GOLGA3: variants seen among roughly 807,000 people sequenced by gnomAD.
GOLGA3 encodes the protein golgin subfamily A member 3.
Under a neutral mutation model 169.4 loss-of-function variants are expected in GOLGA3, and 75 were observed. The ratio of observed to expected loss-of-function variants is 0.44; its 90% CI spans 0.37 to 0.54. GOLGA3 has a LOEUF of 0.54. GOLGA3 is among the 20% of genes least tolerant of loss of function. The pLI, the probability that GOLGA3 is intolerant of heterozygous loss-of-function variation, is 0.00. For missense variants in GOLGA3, 1,899 were observed against 1,930.0 expected (o/e 0.98, Z 0.30); for synonymous variants, 824 against 822.4 (o/e 1.00, Z -0.03).
intron 4 of GOLGA3, among the ~76,000 whole-genome samples, chr12:132,809,262 A>C (rs1266932451): frequency 6.6e-6 from 1 of 152,242 alleles, no homozygotes; most frequent in Non-Finnish European, 1.5e-5. Context: ...TACAGGATGG[A>C]ACATGAAGGC....
intron 7 of GOLGA3, among the ~76,000 whole-genome samples, chr12:132,803,363 T>C (rs1295282935): frequency 6.6e-6 from 1 of 152,208 alleles, no homozygotes; most frequent in Non-Finnish European, 1.5e-5. Flanking sequence ...AAAATGGTCA[T>C]GGACGCCGAG....
chr12:132,821,962 T>A, intron 2 of GOLGA3, 34 bp downstream of exon 2: 1 of 1,477,110 alleles, frequency 6.8e-7, no homozygotes, highest in Non-Finnish European at 9.2e-7. Flanking sequence ...CAGGTCCTCC[T>A]GTGACCAGCA....
intron 23 of GOLGA3, 73 bp from the exon 24 acceptor site, chr12:132,773,367 G>T (rs1177652472): frequency 9.3e-6 from 9 of 970,116 alleles, no homozygotes; most frequent in Non-Finnish European, 1.3e-5. Flanking sequence ...TGTGGACAGC[G>T]TCACTCGCTA....
chr12:132,806,351 G>GT (rs1288434973), intron 6 of GOLGA3, among the ~76,000 whole-genome samples: 1 of 152,250 alleles, frequency 6.6e-6, no homozygotes, highest in Non-Finnish European at 1.5e-5. Context: ...GGCTCACGCT[G>GT]TAACACTGGA....
In GOLGA3 at chr12:132,824,854, C is replaced by T. The variant is rs989607109; in HGVS notation, c.-183-2543G>A. Among the ~76,000 whole-genome samples, 59 of 152,168 alleles carry T rather than the reference C, an allele frequency of 3.9e-4. 2 individuals are homozygous for T. Among genetic ancestry groups the T allele is most frequent in the Admixed American group, 3.9e-4 (6 of 15,278 alleles). The stretch of plus-strand genomic sequence containing the variant: ...GAAAAACACTGCGATCTCCACCAAG[C>T]CTGCCCCTCAGCTACAATCCCAGAC... On this transcript the variant is annotated intron_variant, in intron 1 of 23. Coordinates refer to ENST00000450791, the MANE Select transcript of GOLGA3 (RefSeq NM_001389683.1).
intron 13 of GOLGA3, among the ~76,000 whole-genome samples, chr12:132,787,238 C>G (rs991671455): frequency 1.8e-4 from 28 of 152,096 alleles, no homozygotes; most frequent in African/African-American, 6.8e-4. Flanking sequence ...AGGTGTGAGC[C>G]ACTGCACCCG....
Position 132,808,173 on chromosome 12 carries a change from T to A in GOLGA3, c.896A>T (p.Asn299Ile), listed in dbSNP as rs1481322201. The A allele has an allele frequency of 6.2e-7, 1 of 1,612,926 alleles. No homozygotes were observed. Among genetic ancestry groups the A allele is most frequent in the East Asian group, 2.2e-5 (1 of 44,814 alleles). Residue 299 changes from asparagine to isoleucine, a missense_variant, in exon 5 of 24, where the codon AAC (asparagine) becomes ATC (isoleucine). By Grantham distance (149) the Asn-to-Ile change is moderately radical (BLOSUM62 -3). Coordinates refer to ENST00000450791, the MANE Select transcript of GOLGA3 (RefSeq NM_001389683.1). ...CACGCTGTCTCCAGCCAGGGAGGTG[T>A]TCTCCAGACGGTCGTCAGTGTCGGG... Reference protein sequence around the residue: ...LSPDTDDRLENTSLAGDSVSE... With the variant: ...LSPDTDDRLEITSLAGDSVSE...
chr12:132,774,272 T>C lies in GOLGA3; in HGVS notation c.4192A>G (p.Ile1398Val). ...EASSSNPATP[I>V]KIPDCPVPAS... ...GGAACTGGGCAGTCCGGGATCTTGA[T>C]GGGCGTGGCAGGGTTGGAAGAGCTG... is the stretch of plus-strand genomic sequence containing the variant. Residue 1398 changes from isoleucine (I) to valine (V), a missense_variant, in exon 23 of 24, where the codon ATC (isoleucine) becomes GTC (valine). By Grantham distance (29) the Ile-to-Val change is conservative. Coordinates refer to ENST00000450791, the MANE Select transcript of GOLGA3 (RefSeq NM_001389683.1). 1.9e-6 allele frequency: 3 copies of C among 1,612,968 alleles called. No individual in the cohort carries two copies. The South Asian group carries it at 3.3e-5, about 18-fold the overall frequency.
At chr12:132,783,770 G>T (rs2045746264) in intron 16 of GOLGA3, 1 of 497,522 alleles carries the variant, frequency 2.0e-6, no homozygotes, top group Admixed American at 4.1e-5. Flanking sequence ...TAGAGATGGG[G>T]TTTCACCATG....
chr12:132,773,084 A>G lies in GOLGA3; in HGVS notation c.*21T>C. On this transcript the variant is annotated 3_prime_UTR_variant, in exon 24 of 24. Transcript: ENST00000450791. Reference sequence around the variant, plus strand: ...TAAGAGCCTTCTGGGGCAGCGGCGCACGGAGGCGAGTCCACAGCAGTCACT... The same window carrying G: ...TAAGAGCCTTCTGGGGCAGCGGCGCGCGGAGGCGAGTCCACAGCAGTCACT... 2 of 1,506,444 alleles carry G rather than the reference A, an allele frequency of 1.3e-6. No homozygotes were observed. The highest frequency in any genetic ancestry group is 9.0e-7 in the Non-Finnish European group (1 of 1,113,774). 93.3% of individuals were successfully genotyped at this position (1,506,444 alleles called of 1,614,324 possible).
chr12:132,816,304 A>G (rs1302052265), intron 3 of GOLGA3, among the ~76,000 whole-genome samples: 1 of 152,216 alleles, frequency 6.6e-6, no homozygotes, highest in Non-Finnish European at 1.5e-5. Context: ...CCTTTAACGC[A>G]AAAGCGTCAG....
chr12:132,822,824 A>G (rs1396021168), intron 1 of GOLGA3, among the ~76,000 whole-genome samples: 1 of 152,206 alleles, frequency 6.6e-6, no homozygotes, highest in African/African-American at 2.4e-5. Flanking sequence ...CGGGAGGCTG[A>G]GGCAGGAGAG....
At chr12:132,814,032 T>C (rs1372617761) in intron 3 of GOLGA3, among the ~76,000 whole-genome samples, 1 of 146,614 alleles carries the variant, frequency 6.8e-6, no homozygotes, top group Non-Finnish European at 1.5e-5. Flanking sequence ...CCTTTTTTTT[T>C]TTTTTTTTTG....
Position 132,777,546 on chromosome 12 carries a change from A to G in GOLGA3, c.3722+120T>C. On this transcript the variant is annotated intron_variant, in intron 19 of 23. Transcript: ENST00000450791. This position sits in a 1 kb window ranked among gnomAD's most constrained non-coding sequence, Gnocchi z 4.7. ...TGGGTGCCTTCTACTCCTATGATTC[A>G]CTCAAGTACTCGGCAATTTGCAAAA... 2 of 1,081,362 alleles carry G rather than the reference A, an allele frequency of 1.8e-6. No individual in the cohort carries two copies. Among genetic ancestry groups the G allele is most frequent in the Non-Finnish European group, 2.7e-6 (2 of 744,100 alleles). 67.0% of individuals were successfully genotyped at this position (1,081,362 alleles called of 1,614,324 possible). A position where few individuals can be genotyped will look rare whatever the true frequency, so the allele number is the denominator to read the frequency against.
Position 132,813,315 on chromosome 12 carries a change from G to C in GOLGA3, c.511C>G (p.Gln171Glu). 6.2e-7 allele frequency: 1 copy of C among 1,607,446 alleles called. No homozygotes were observed. The highest frequency in any genetic ancestry group is 1.7e-5 in the Admixed American group (1 of 59,982). The change falls in exon 4 of 24, where the codon CAG becomes GAG. Residue 171 changes from glutamine (Q) to glutamate (E), a missense_variant. Gln to Glu is a conservative substitution (Grantham distance 29, BLOSUM62 2). Transcript: ENST00000450791. Reference protein sequence around the residue: ...QLKQYRVKRQQERSSQPATKT... With the variant: ...QLKQYRVKRQEERSSQPATKT... ...GGGAGAGGGAGACTCACCCTCTCCT[G>C]CTGGCGCTTCACCCTGTACTGTTTG... is the stretch of plus-strand genomic sequence containing the variant.
At chr12:132,808,866 A>G (rs1180186105) in intron 4 of GOLGA3, among the ~76,000 whole-genome samples, 1 of 152,176 alleles carries the variant, frequency 6.6e-6, no homozygotes, top group Non-Finnish European at 1.5e-5. Context: ...GACCAGCCCC[A>G]CAGGGTCAGT....
intron 4 of GOLGA3, chr12:132,811,783 TA>T: frequency 1.2e-6 from 1 of 841,160 alleles, no homozygotes; most frequent in Non-Finnish European, 1.4e-6. Context: ...TTTAAAAACA[TA>T]ACCTTAAAGG....
intron 4 of GOLGA3, among the ~76,000 whole-genome samples, chr12:132,812,059 G>A (rs1432998291): frequency 2.0e-5 from 3 of 149,150 alleles, no homozygotes; most frequent in African/African-American, 7.4e-5. Context: ...ATGGTGGCAC[G>A]TGCTTTTAAT....
intron 2 of GOLGA3, among the ~76,000 whole-genome samples, chr12:132,819,962 C>T (rs1409000127): frequency 6.6e-6 from 1 of 152,226 alleles, no homozygotes; most frequent in Non-Finnish European, 1.5e-5. Context: ...GGGGGATCAC[C>T]AGAGATTGGG....
Sources: allele counts gnomAD v4.1 joint callset (sites outside exome capture counted in the v4.1 genomes callset), GRCh38; gene constraint gnomAD v4.1.1; non-coding constraint Gnocchi (gnomAD v3.1); transcripts MANE v1.5; gene names NCBI Gene and HGNC (gene_info 2026-07-23, HGNC 2026-07-21).